The following LRRC4C variants were observed in gnomAD, a reference collection of about 807,000 sequenced individuals.
LRRC4C encodes the protein leucine rich repeat containing 4C.
Under a neutral mutation model 33.6 loss-of-function variants are expected in LRRC4C, and 5 were observed. The observed-to-expected ratio is 0.15, with a 90% CI of 0.08 to 0.31. The LOEUF (loss-of-function observed/expected upper bound fraction) is 0.31, where lower values mean the gene tolerates loss of function less well. LRRC4C is among the 10% of genes least tolerant of loss of function. The pLI is 1.00. For synonymous variants in LRRC4C, 329 were observed against 302.0 expected, an observed-to-expected ratio of 1.09 and a Z score of -0.93; for missense variants, 560 against 796.7, an observed-to-expected ratio of 0.70 and a Z score of 3.58.
intron 2 of LRRC4C, among the ~76,000 whole-genome samples, chr11:40,846,603 C>T (rs1298334445): frequency 5.3e-5 from 8 of 151,280 alleles, no homozygotes; most frequent in Non-Finnish European, 1.5e-5. Flanking sequence ...ATGCTTCCAG[C>T]TTTGTTTTTT....
chr11:41,302,377 C>A (rs1950311999), intron 1 of LRRC4C, among the ~76,000 whole-genome samples: 1 of 152,082 alleles, frequency 6.6e-6, no homozygotes, highest in African/African-American at 2.4e-5. Context: ...AGAGACAGAA[C>A]CTTTCAGTAG....
chr11:41,432,653 T>C (rs11036400), intron 1 of LRRC4C, among the ~76,000 whole-genome samples: 56,833 of 151,670 alleles, frequency 0.37, 11,434 homozygotes, highest in Middle Eastern at 0.5. Context: ...ACAGCAAACA[T>C]ACACACACAT....
intron 2 of LRRC4C, among the ~76,000 whole-genome samples, chr11:40,763,064 T>TATATATACGTATACACACAC: frequency 2.0e-5 from 3 of 148,996 alleles, no homozygotes; most frequent in Non-Finnish European, 3.0e-5. Flanking sequence ...TATATATATG[T>TATATATACGTATACACACAC]ATATATATGT....
At chr11:41,329,325 A>C (rs1264947217) in intron 1 of LRRC4C, among the ~76,000 whole-genome samples, 3 of 152,166 alleles carry the variant, frequency 2.0e-5, no homozygotes, top group Non-Finnish European at 2.9e-5. Flanking sequence ...TCAAGACCAA[A>C]ATTTCTAGCT....
intron 1 of LRRC4C, among the ~76,000 whole-genome samples, chr11:41,390,127 G>T (rs567961669): frequency 6.6e-6 from 1 of 151,850 alleles, no homozygotes; most frequent in Non-Finnish European, 1.5e-5. Context: ...TAATTATTTT[G>T]TTTGCCGAGG....
intron 3 of LRRC4C, among the ~76,000 whole-genome samples, chr11:40,524,743 A>T (rs1955968531): frequency 6.6e-6 from 1 of 152,172 alleles, no homozygotes. Context: ...AAATGTCTTT[A>T]TTTGCACCTT....
intron 3 of LRRC4C, among the ~76,000 whole-genome samples, chr11:40,443,624 G>A (rs537899221): frequency 1.3e-5 from 2 of 152,240 alleles, no homozygotes; most frequent in Middle Eastern, 3.4e-3. Context: ...TATTTACATA[G>A]CATATTTTCA....
At chr11:41,271,164 C>T (rs575486115) in intron 1 of LRRC4C, among the ~76,000 whole-genome samples, 7 of 152,072 alleles carry the variant, frequency 4.6e-5, no homozygotes, top group African/African-American at 1.2e-4. Context: ...GCCTCACATA[C>T]GGTAAAGGTC....
At chr11:41,289,781 T>C (rs1202591358) in intron 1 of LRRC4C, among the ~76,000 whole-genome samples, 1 of 152,160 alleles carries the variant, frequency 6.6e-6, no homozygotes, top group African/African-American at 2.4e-5. Flanking sequence ...TACTAATATA[T>C]GTATTTTAAG....
chr11:41,374,504 G>C (rs755940228), intron 1 of LRRC4C, among the ~76,000 whole-genome samples: 14 of 152,068 alleles, frequency 9.2e-5, no homozygotes, highest in Non-Finnish European at 2.1e-4. Flanking sequence ...TCAAATAAAT[G>C]TAGAAGATGA....
At position 41,028,532 on chromosome 11, in the gene LRRC4C, C is replaced by G. The variant is rs539529867; in HGVS notation, c.-495-94809G>C. ...AAATTTATTCTACACAATGTTATCA[C>G]TTTCCTTTCTAAAACAGGACATATT... On this transcript the variant is annotated intron_variant, in intron 1 of 6. Coordinates refer to ENST00000528697, the MANE Select transcript of LRRC4C (RefSeq NM_001258419.2). Among the ~76,000 whole-genome samples, 9 of 150,940 alleles carry G rather than the reference C, an allele frequency of 6.0e-5. No individual in the cohort carries two copies. The South Asian group carries it at 1.9e-3, about 31-fold the overall frequency.
chr11:40,258,376 T>C (rs1342090932), intron 4 of LRRC4C, among the ~76,000 whole-genome samples: 1 of 152,198 alleles, frequency 6.6e-6, no homozygotes, highest in Non-Finnish European at 1.5e-5. Context: ...TCTCAGTATG[T>C]ATTTGGAGGG....
At chr11:41,060,565 A>G (rs1937685241) in intron 1 of LRRC4C, among the ~76,000 whole-genome samples, 1 of 152,136 alleles carries the variant, frequency 6.6e-6, no homozygotes, top group African/African-American at 2.4e-5. Flanking sequence ...TTCTCTTCTT[A>G]TGAGGACACT....
intron 1 of LRRC4C, among the ~76,000 whole-genome samples, chr11:41,095,397 G>T (rs978599735): frequency 6.6e-6 from 1 of 152,158 alleles, no homozygotes; most frequent in African/African-American, 2.4e-5. Flanking sequence ...AACTGTATTA[G>T]GAGGGGTACT....
chr11:40,862,631 T>C (rs1954158849), intron 2 of LRRC4C, among the ~76,000 whole-genome samples: 4 of 152,198 alleles, frequency 2.6e-5, no homozygotes. Flanking sequence ...TTCTCAGCAA[T>C]GTTTTCTTCT....
At chr11:41,165,473 A>C (rs550776660) in intron 1 of LRRC4C, among the ~76,000 whole-genome samples, 1 of 152,234 alleles carries the variant, frequency 6.6e-6, no homozygotes, top group South Asian at 2.1e-4. Flanking sequence ...TATATTACAC[A>C]CACCATCTTA....
intron 4 of LRRC4C, among the ~76,000 whole-genome samples, chr11:40,272,423 G>A (rs1426094487): frequency 1.3e-5 from 2 of 152,152 alleles, no homozygotes; most frequent in Non-Finnish European, 2.9e-5. Context: ...TAATAAGGCA[G>A]CTATGAGTTC....
intron 1 of LRRC4C, among the ~76,000 whole-genome samples, chr11:41,124,953 TGA>T (rs1942664791): frequency 1.3e-5 from 2 of 152,294 alleles, no homozygotes; most frequent in South Asian, 4.1e-4. Context: ...ATCAGGAATA[TGA>T]GAAGATAATA....
At chr11:40,329,917 A>G (rs983168185) in intron 3 of LRRC4C, among the ~76,000 whole-genome samples, 1 of 151,586 alleles carries the variant, frequency 6.6e-6, no homozygotes, top group Non-Finnish European at 1.5e-5. Context: ...AATTTTTTGT[A>G]TTTTTGGTAG....
Sources: gnomAD v4.1 joint callset for allele counts (sites outside exome capture counted in the v4.1 genomes callset) on GRCh38, gnomAD v4.1.1 for gene constraint, MANE v1.5 for transcripts, NCBI Gene and HGNC (gene_info 2026-07-23, HGNC 2026-07-21) for gene names.